Variants in TRIM67 observed in about 807,000 individuals in gnomAD.
The protein encoded by TRIM67 is tripartite motif containing 67.
In TRIM67, 39 loss-of-function variants were observed where a neutral mutation model predicts 71.0. The ratio of observed to expected loss-of-function variants is 0.55; its 90% CI spans 0.43 to 0.72. The LOEUF (loss-of-function observed/expected upper bound fraction) is 0.72. Among genes scored for constraint, TRIM67 ranks in the 30% least tolerant of loss-of-function variants. TRIM67 has a pLI of 0.00. For synonymous variants in TRIM67, 481 were observed against 473.9 expected (o/e 1.01, Z -0.19); for missense variants, 973 against 1,079.2 (o/e 0.90, Z 1.38).
intron 1 of TRIM67, among the ~76,000 whole-genome samples, chr1:231,181,407 A>G (rs933098042): frequency 6.6e-6 from 1 of 152,200 alleles, no homozygotes; most frequent in East Asian, 1.9e-4. Context: ...GTGACCTGCA[A>G]TGGGCACTCA....
At chr1:231,196,075 G>T (rs888354341) in intron 1 of TRIM67, among the ~76,000 whole-genome samples, 6 of 152,244 alleles carry the variant, frequency 3.9e-5, no homozygotes, top group Non-Finnish European at 5.9e-5. Context: ...AGGACATGGA[G>T]ATGGACAGCA....
intron 1 of TRIM67, among the ~76,000 whole-genome samples, chr1:231,182,812 T>C (rs1198226733): frequency 6.6e-6 from 1 of 152,192 alleles, no homozygotes; most frequent in Non-Finnish European, 1.5e-5. Flanking sequence ...TGAAGGTCAT[T>C]TGGCCCTCAC....
chr1:231,169,993 C>CTTTTTTTTTTTTTTTTTTTTTTT lies in TRIM67; in HGVS notation c.1044+5990_1044+5991insTTTTTTTTTTTTTTTTTTTTTTT, dbSNP rs369558747. 9.3e-4 allele frequency among the ~76,000 whole-genome samples: 126 copies of CTTTTTTTTTTTTTTTTTTTTTTT among 136,034 alleles called. 8 individuals carry two copies. The highest frequency in any genetic ancestry group is 2.9e-3 in the African/African-American group (90 of 30,882). The allele number at this position is 136,034 out of a possible 152,430, so 89.2% of individuals were successfully genotyped here. A position where few individuals can be genotyped will look rare whatever the true frequency, so the allele number is the denominator to read the frequency against. On this transcript the variant is annotated intron_variant, in intron 1 of 9. Coordinates refer to ENST00000366653, the MANE Select transcript of TRIM67 (RefSeq NM_001004342.5). ...CTTTAAAATGTTTTTTTCTTTCTCT[C>CTTTTTTTTTTTTTTTTTTTTTTT]TTTTTTTTTTGAGTTGGAGTTTCAC...
In TRIM67 at chr1:231,201,534, C is replaced by T; in HGVS notation, c.1534+17C>T. The T allele has an allele frequency of 6.2e-7, 1 of 1,611,116 alleles. No homozygotes were observed. Among genetic ancestry groups the T allele is most frequent in the East Asian group, 2.2e-5 (1 of 44,826 alleles). ...AATGTAGGGGTGAGCCGCGGTTGGC[C>T]CCAGTTCAGTCAGTGCTTCTTTCAA... On this transcript the variant is annotated intron_variant, in intron 5 of 9. Coordinates refer to ENST00000366653, the MANE Select transcript of TRIM67 (RefSeq NM_001004342.5).
intron 1 of TRIM67, chr1:231,187,579 C>T (rs1187491251): frequency 2.0e-6 from 3 of 1,532,264 alleles, no homozygotes; most frequent in Admixed American, 2.0e-5. Flanking sequence ...TCACAACCTC[C>T]TTTGTGCCCA....
chr1:231,197,952 C>T (rs941673538), intron 2 of TRIM67, among the ~76,000 whole-genome samples: 1 of 152,174 alleles, frequency 6.6e-6, no homozygotes, highest in East Asian at 1.9e-4. Flanking sequence ...ATGTGTCCTA[C>T]CCTATAGCCT....
At chr1:231,177,601 C>A (rs988048977) in intron 1 of TRIM67, among the ~76,000 whole-genome samples, 1 of 152,166 alleles carries the variant, frequency 6.6e-6, no homozygotes, top group Non-Finnish European at 1.5e-5. Context: ...TACTTTCCTG[C>A]CAAATGGGAT....
chr1:231,188,196 G>C (rs1470847927), intron 1 of TRIM67, among the ~76,000 whole-genome samples: 2 of 152,154 alleles, frequency 1.3e-5, no homozygotes, highest in Non-Finnish European at 2.9e-5. Context: ...ACCTTGCTCT[G>C]TGTGGGACAG....
rs933282981 is a variant in TRIM67, at chr1:231,163,037, C to G, written c.68C>G (p.Ser23Cys). The G allele has an allele frequency of 1.9e-6, 3 of 1,612,034 alleles. No individual in the cohort carries two copies. In the African/African-American group the frequency reaches 4.0e-5, roughly 22 times the overall value. Residue 23 changes from serine to cysteine, a missense_variant, in exon 1 of 10, where the codon TCC becomes TGC. Ser to Cys is a moderately radical substitution (Grantham distance 112). Around this residue, in one of 2 missense-constraint regions of TRIM67, gnomAD observed 795 missense variants for 831.3 expected, o/e 0.96. Coordinates refer to ENST00000366653, the MANE Select transcript of TRIM67 (RefSeq NM_001004342.5). ...LFREPIILPC[S>C]HNVCLPCART... ...CGGGAGCCTATCATCCTGCCCTGTT[C>G]CCACAATGTCTGCCTGCCTTGCGCT...
chr1:231,164,050 A>G, intron 1 of TRIM67, 37 bp downstream of exon 1: 4 of 1,460,764 alleles, frequency 2.7e-6, no homozygotes, highest in Non-Finnish European at 3.7e-6. Context: ...GGTGCCAGGG[A>G]AGAGGGTACG....
chr1:231,206,867 A>T, intron 7 of TRIM67, 77 bp downstream of exon 7: 2 of 1,443,550 alleles, frequency 1.4e-6, no homozygotes, highest in East Asian at 2.6e-5. Context: ...CACTTGTGGC[A>T]GCTATGATGA....
chr1:231,186,131 G>A (rs1439321914), intron 1 of TRIM67: 3 of 1,532,974 alleles, frequency 2.0e-6, no homozygotes, highest in Admixed American at 2.0e-5. Flanking sequence ...TCGGTGAATG[G>A]ATGAAGGGCT....
intron 1 of TRIM67, among the ~76,000 whole-genome samples, chr1:231,176,343 A>G (rs9431661): frequency 0.34 from 52,426 of 152,034 alleles, 9,601 homozygotes; most frequent in South Asian, 0.47. Flanking sequence ...AAACAGATGG[A>G]GGAAGAGTGA....
intron 2 of TRIM67, 36 bp from the exon 3 acceptor site, chr1:231,199,010 CT>C (rs751208095): frequency 6.2e-7 from 1 of 1,613,530 alleles, no homozygotes; most frequent in South Asian, 1.1e-5. Flanking sequence ...CCCTAAAACT[CT>C]TTGCTTCTTC....
At chr1:231,212,877 G>A (rs1451887774) in intron 8 of TRIM67, among the ~76,000 whole-genome samples, 6 of 152,224 alleles carry the variant, frequency 3.9e-5, no homozygotes, top group East Asian at 3.9e-4. Context: ...TACAAAGTAC[G>A]ACGTTGCCAA....
At position 231,217,865 on chromosome 1, in the gene TRIM67, C is replaced by A. The variant is rs545678783; in HGVS notation, c.*2425C>A. 3.2e-5 allele frequency: 41 copies of A among 1,289,646 alleles called. No homozygotes were observed. The South Asian group carries it at 3.6e-4, about 11-fold the overall frequency. 79.9% of individuals were successfully genotyped at this position (1,289,646 alleles called of 1,614,324 possible). On this transcript the variant is annotated 3_prime_UTR_variant, in exon 10 of 10. Transcript: ENST00000366653. ...TGCAGGAGGGTAATGCCCTCAAATCCGGTGGCCTCTTTCAGAAAAAAGTTC... is the reference window on the plus strand; with the variant it reads ...TGCAGGAGGGTAATGCCCTCAAATCAGGTGGCCTCTTTCAGAAAAAAGTTC...
intron 1 of TRIM67, among the ~76,000 whole-genome samples, chr1:231,181,089 C>T (rs1682893317): frequency 6.6e-6 from 1 of 152,198 alleles, no homozygotes; most frequent in South Asian, 2.1e-4. Flanking sequence ...CCTCAGCCTC[C>T]CAAGTAGCTG....
At chr1:231,181,345 A>C (rs1571877257) in intron 1 of TRIM67, among the ~76,000 whole-genome samples, 1 of 152,182 alleles carries the variant, frequency 6.6e-6, no homozygotes, top group African/African-American at 2.4e-5. Flanking sequence ...TCAAATGAGA[A>C]GCTCCTTCAG....
In TRIM67 at chr1:231,163,290, G is replaced by A; in HGVS notation, c.321G>A (p.Glu107=). 1 of 1,518,940 alleles carries A rather than the reference G, an allele frequency of 6.6e-7. No homozygotes were observed. The highest frequency in any genetic ancestry group is 2.7e-5 in the East Asian group (1 of 37,370). The allele number at this position is 1,518,940 out of a possible 1,614,324, so 94.1% of individuals were successfully genotyped here. ...DHADKLSLYS[E]TDSGYGSYTP... ...CGGACAAGCTCAGCTTGTACAGCGA[G>A]ACAGACAGCGGCTACGGGTCCTACA... is the stretch of plus-strand genomic sequence containing the variant. Residue 107 remains glutamate, a synonymous_variant, in exon 1 of 10, where the codon GAG becomes GAA. Coordinates refer to ENST00000366653, the MANE Select transcript of TRIM67 (RefSeq NM_001004342.5).
Sources: gnomAD v4.1 joint callset for allele counts (sites outside exome capture counted in the v4.1 genomes callset) on GRCh38, gnomAD v4.1.1 for gene constraint, gnomAD v4.1.1 regional missense constraint, MANE v1.5 for transcripts, NCBI Gene and HGNC (gene_info 2026-07-23, HGNC 2026-07-21) for gene names.